The following PATE1 variants were observed in gnomAD, a reference collection of about 807,000 sequenced individuals.
PATE1 encodes the protein prostate and testis expressed 1.
In PATE1, 21 loss-of-function variants were observed where a neutral mutation model predicts 13.1. The observed-to-expected ratio is 1.61, with a 90% CI of 1.14 to 2.31. PATE1 has a LOEUF of 2.31. Ranked by LOEUF, PATE1 falls within the 30% of genes most tolerant of loss-of-function variation. The pLI, the probability that PATE1 is intolerant of heterozygous loss-of-function variation, is 0.00. For missense variants in PATE1, 166 were observed against 147.2 expected (o/e 1.13, Z -0.66); for synonymous variants, 52 against 47.1 (o/e 1.10, Z -0.43).
intron 3 of PATE1, 38 bp from the exon 4 acceptor site, chr11:125,747,662 A>G (rs761575857): frequency 2.5e-6 from 4 of 1,609,870 alleles, no homozygotes; most frequent in South Asian, 1.1e-5. Context: ...TGGTAGTGCC[A>G]TCTTTTCTCA....
In PATE1 at chr11:125,749,037, A is replaced by T; in HGVS notation, c.*304A>T. ...GCCAGTTCATTCAGAAAAGGAGGAAAGGGTAGTTTAATTTCAAAAAAGAAT... is the reference window on the plus strand; with the variant it reads ...GCCAGTTCATTCAGAAAAGGAGGAATGGGTAGTTTAATTTCAAAAAAGAAT... On this transcript the variant is annotated 3_prime_UTR_variant, in exon 5 of 5. Transcript: ENST00000305738. 1 of 238,678 alleles carries T rather than the reference A, an allele frequency of 4.2e-6. No homozygotes were observed. Among genetic ancestry groups the T allele is most frequent in the East Asian group, 8.1e-5 (1 of 12,410 alleles). 14.8% of individuals were successfully genotyped at this position (238,678 alleles called of 1,614,324 possible). A position where few individuals can be genotyped will look rare whatever the true frequency, so the allele number is the denominator to read the frequency against.
Position 125,748,835 on chromosome 11 carries a change from C to CACACA in PATE1, c.*102_*103insACACA. On this transcript the variant is annotated 3_prime_UTR_variant, in exon 5 of 5. Coordinates refer to ENST00000305738, the MANE Select transcript of PATE1 (RefSeq NM_138294.3). ...AAAATCACACACACACACACACACA[C>CACACA]TACAGAAGAGGATTGCAAACACATG... 8.2e-6 allele frequency: 11 copies of CACACA among 1,347,844 alleles called. No individual in the cohort carries two copies. Among genetic ancestry groups the CACACA allele is most frequent in the South Asian group, 6.0e-5 (4 of 66,940 alleles). The allele number at this position is 1,347,844 out of a possible 1,614,324, so 83.5% of individuals were successfully genotyped here.
At position 125,747,852 on chromosome 11, in the gene PATE1, G is replaced by A. The variant is rs200907187; in HGVS notation, c.247+30G>A. The A allele has an allele frequency of 2.2e-4, 360 of 1,612,920 alleles. 5 individuals carry two copies. The highest frequency in any genetic ancestry group is 1.9e-3 in the South Asian group (174 of 91,030). On this transcript the variant is annotated intron_variant, in intron 4 of 4. Transcript: ENST00000305738. ...GTTGTGGGTTGGGGAAAAGAAGAAC[G>A]GGCAGAGGACGTATACAGGGACGTA...
At chr11:125,746,555 G>A in intron 1 of PATE1, 106 bp from the exon 2 acceptor site, 1 of 1,442,456 alleles carries the variant, frequency 6.9e-7, no homozygotes, top group African/African-American at 1.4e-5. Flanking sequence ...TTTATGGGGG[G>A]AAATAGGTAG....
intron 3 of PATE1, 142 bp from the exon 4 acceptor site, chr11:125,747,558 T>C (rs1173005465): frequency 7.0e-7 from 1 of 1,437,424 alleles, no homozygotes; most frequent in East Asian, 2.3e-5. Context: ...TTAGTGTATT[T>C]CCACAGAGGA....
At position 125,748,931 on chromosome 11, in the gene PATE1, A is replaced by T; in HGVS notation, c.*198A>T. On this transcript the variant is annotated 3_prime_UTR_variant, in exon 5 of 5. Transcript: ENST00000305738. ...AGTCTCTGTCACGCCCCTTAAAATAAGTAAATAAATAACCTTGAGAGAAAG... is the reference window on the plus strand; with the variant it reads ...AGTCTCTGTCACGCCCCTTAAAATATGTAAATAAATAACCTTGAGAGAAAG... 1 of 551,794 alleles carries T rather than the reference A, an allele frequency of 1.8e-6. No homozygotes were observed. Among genetic ancestry groups the T allele is most frequent in the Non-Finnish European group, 3.0e-6 (1 of 332,820 alleles). 34.2% of individuals were successfully genotyped at this position (551,794 alleles called of 1,614,324 possible).
Position 125,748,757 on chromosome 11 carries a change from C to A in PATE1, c.*24C>A. ...AGAAGTTAATGGTTCTTCTGTGACT[C>A]CAATTTCTGGGTGAGGTTGTTGCCT... On this transcript the variant is annotated 3_prime_UTR_variant, in exon 5 of 5. Coordinates refer to ENST00000305738, the MANE Select transcript of PATE1 (RefSeq NM_138294.3). 1.2e-6 allele frequency: 2 copies of A among 1,608,330 alleles called. No homozygotes were observed. Among genetic ancestry groups the A allele is most frequent in the Non-Finnish European group, 1.7e-6 (2 of 1,177,662 alleles).
chr11:125,748,600 G>C lies in PATE1; in HGVS notation c.248G>C (p.Arg83Thr), dbSNP rs143721154. ...GATCTGTTTTTTCTCCCCTCCACAGGGGATGGTAATCCCTGGTTAACCTTC... is the reference window on the plus strand; with the variant it reads ...GATCTGTTTTTTCTCCCCTCCACAGCGGATGGTAATCCCTGGTTAACCTTC... The part of the protein sequence containing the change: ...EACMVGRMFK[R>T]DGNPWLTFMG... The change falls in exon 5 of 5, where the codon AGG becomes ACG. Residue 83 changes from arginine (R) to threonine (T), a missense_variant and splice_region_variant. Physicochemically the swap from Arg to Thr is moderately conservative, Grantham distance 71. Coordinates refer to ENST00000305738, the MANE Select transcript of PATE1 (RefSeq NM_138294.3). 8.1e-6 allele frequency: 13 copies of C among 1,613,076 alleles called. No homozygotes were observed. The highest frequency in any genetic ancestry group is 1.1e-5 in the Non-Finnish European group (13 of 1,179,722).
intron 2 of PATE1, among the ~76,000 whole-genome samples, chr11:125,747,152 G>A (rs549687762): frequency 6.6e-6 from 1 of 152,228 alleles, no homozygotes; most frequent in East Asian, 1.9e-4. Context: ...TATAGGAATG[G>A]GTAGATGAAT....
rs900307433 is a variant in PATE1, at chr11:125,748,846, G to A, written c.*113G>A. 30 of 1,301,600 alleles carry A rather than the reference G, an allele frequency of 2.3e-5. No homozygotes were observed. The South Asian group carries it at 4.8e-4, about 21-fold the overall frequency. 80.6% of individuals were successfully genotyped at this position (1,301,600 alleles called of 1,614,324 possible). ...CACACACACACACACTACAGAAGAG[G>A]ATTGCAAACACATGGCTCCATCTTC... is the stretch of plus-strand genomic sequence containing the variant. On this transcript the variant is annotated 3_prime_UTR_variant, in exon 5 of 5. Coordinates refer to ENST00000305738, the MANE Select transcript of PATE1 (RefSeq NM_138294.3).
chr11:125,746,711 A>G lies in PATE1; in HGVS notation c.88+15A>G. 2 of 1,612,974 alleles carry G rather than the reference A, an allele frequency of 1.2e-6. No homozygotes were observed. Among genetic ancestry groups the G allele is most frequent in the South Asian group, 1.1e-5 (1 of 91,028 alleles). On this transcript the variant is annotated intron_variant, in intron 2 of 4. Transcript: ENST00000305738. ...AAATGATGCAGGTGAGTAGGAATAG[A>G]TAAGTGGTATGAGAAGGGGAAGGTC... is the stretch of plus-strand genomic sequence containing the variant.
intron 4 of PATE1, 104 bp downstream of exon 4, chr11:125,747,926 G>T: frequency 6.7e-7 from 1 of 1,501,688 alleles, no homozygotes; most frequent in Non-Finnish European, 9.1e-7. Context: ...ACTATAGGCA[G>T]TCTCATACCT....
At chr11:125,748,568 G>T (rs375303759) in intron 4 of PATE1, 32 bp from the exon 5 acceptor site, 49 of 1,602,366 alleles carry the variant, frequency 3.1e-5, no homozygotes, top group Non-Finnish European at 3.6e-5. Flanking sequence ...TCATGGCCAG[G>T]CTTCCTGATC....
chr11:125,746,614 T>C, intron 1 of PATE1, 47 bp from the exon 2 acceptor site: 1 of 1,606,782 alleles, frequency 6.2e-7, no homozygotes, highest in Middle Eastern at 1.7e-4. Flanking sequence ...AGATGGGGTT[T>C]GGAAAATGAG....
At position 125,748,897 on chromosome 11, in the gene PATE1, C is replaced by G. The variant is rs1943305331; in HGVS notation, c.*164C>G. ...TGCACACGAAAGGAAAGTCCCTCTC[C>G]TTTTCTACAGTCTCTGTCACGCCCC... On this transcript the variant is annotated 3_prime_UTR_variant, in exon 5 of 5. Coordinates refer to ENST00000305738, the MANE Select transcript of PATE1 (RefSeq NM_138294.3). 1 of 792,074 alleles carries G rather than the reference C, an allele frequency of 1.3e-6. No individual in the cohort carries two copies. Among genetic ancestry groups the G allele is most frequent in the African/African-American group, 1.7e-5 (1 of 57,198 alleles). The allele number at this position is 792,074 out of a possible 1,614,324, so 49.1% of individuals were successfully genotyped here. A position where few individuals can be genotyped will look rare whatever the true frequency, so the allele number is the denominator to read the frequency against.
intron 4 of PATE1, 109 bp from the exon 5 acceptor site, chr11:125,748,491 C>G: frequency 7.6e-7 from 1 of 1,308,114 alleles, no homozygotes; most frequent in Non-Finnish European, 1.0e-6. Context: ...AATAACGGAG[C>G]TTTGAACTAC....
rs957719780 is a variant in PATE1, at chr11:125,749,210, C to T, written c.*477C>T. ...GGCCTGAAGGGATGGGGAGTAGCAA[C>T]ATAAAAAGAAGTGGCTCAAGTCTTC... On this transcript the variant is annotated 3_prime_UTR_variant, in exon 5 of 5. Coordinates refer to ENST00000305738, the MANE Select transcript of PATE1 (RefSeq NM_138294.3). 6.6e-6 allele frequency: 1 copy of T among 152,230 alleles called. No individual in the cohort carries two copies. The highest frequency in any genetic ancestry group is 1.5e-5 in the Non-Finnish European group (1 of 68,152). 9.4% of individuals were successfully genotyped at this position (152,230 alleles called of 1,614,324 possible).
intron 2 of PATE1, among the ~76,000 whole-genome samples, chr11:125,746,980 G>A (rs1943277607): frequency 6.6e-6 from 1 of 152,126 alleles, no homozygotes; most frequent in Non-Finnish European, 1.5e-5. Flanking sequence ...GTGTCGCTTG[G>A]CCAAATCTAA....
rs1294438728 is a variant in PATE1 at position 125,747,712 on chromosome 11, T to C, written c.137T>C (p.Val46Ala). Residue 46 changes from valine to alanine, a missense_variant, in exon 4 of 5, where the codon GTT (valine) becomes GCT (alanine). Transcript: ENST00000305738. ...CTCTCTGGCCAAGTGATAGAAATTG[T>C]TCAGTGTAGGATGTGCCACCTCCAG... is the stretch of plus-strand genomic sequence containing the variant. ...VKNNFPVIEI[V>A]QCRMCHLQFP... 1 of 1,613,608 alleles carries C rather than the reference T, an allele frequency of 6.2e-7. No individual in the cohort carries two copies. The highest frequency in any genetic ancestry group is 1.7e-5 in the Admixed American group (1 of 59,988).
Sources: gnomAD v4.1 joint callset for allele counts (sites outside exome capture counted in the v4.1 genomes callset) on GRCh38, gnomAD v4.1.1 for gene constraint, MANE v1.5 for transcripts, NCBI Gene and HGNC (gene_info 2026-07-23, HGNC 2026-07-21) for gene names.